The following GLRA1 variants were observed in gnomAD, a reference collection of about 807,000 sequenced individuals.
GLRA1 encodes the protein glycine receptor alpha 1, also known as glycine receptor subunit alpha-1.
A neutral mutation model predicts 48.3 loss-of-function variants in GLRA1; 37 were observed. The ratio of observed to expected loss-of-function variants is 0.77; its 90% CI spans 0.59 to 1.01. The LOEUF (loss-of-function observed/expected upper bound fraction) is 1.01. Among genes scored for constraint, GLRA1 ranks in the 50% least tolerant of loss-of-function variants. The pLI is 0.00. For synonymous variants in GLRA1, 196 were observed against 210.7 expected (o/e 0.93, Z 0.60); for missense variants, 427 against 571.0 (o/e 0.75, Z 2.57).
chr5:151,833,461 A>G (rs541116898), intron 7 of GLRA1, among the ~76,000 whole-genome samples: 1 of 151,564 alleles, frequency 6.6e-6, no homozygotes, highest in South Asian at 2.1e-4. Flanking sequence ...GGATATATAT[A>G]TATATATTTT....
At chr5:151,921,821 A>T (rs1031548843) in intron 1 of GLRA1, among the ~76,000 whole-genome samples, 1 of 152,194 alleles carries the variant, frequency 6.6e-6, no homozygotes, top group Non-Finnish European at 1.5e-5. Flanking sequence ...GAATTTTAGA[A>T]CCATAGGTTT....
intron 8 of GLRA1, among the ~76,000 whole-genome samples, chr5:151,828,573 C>A (rs939278099): frequency 2.1e-4 from 32 of 152,168 alleles, no homozygotes; most frequent in Admixed American, 1.7e-3. Context: ...TAAAACAATG[C>A]AGTCTTGCAG....
intron 7 of GLRA1, among the ~76,000 whole-genome samples, chr5:151,834,494 A>G (rs1763515492): frequency 6.6e-6 from 1 of 152,250 alleles, no homozygotes; most frequent in African/African-American, 2.4e-5. Flanking sequence ...AGGAAAATTT[A>G]TAGCACTAAA....
At chr5:151,855,248 A>T (rs939763275) in intron 5 of GLRA1, 71 bp from the exon 6 acceptor site, 2 of 1,478,536 alleles carry the variant, frequency 1.4e-6, no homozygotes, top group Non-Finnish European at 1.9e-6. Flanking sequence ...AGGATTGGTT[A>T]GGGTTAGAGA....
chr5:151,855,257 G>A (rs898139136), intron 5 of GLRA1, 80 bp from the exon 6 acceptor site: 3 of 1,343,154 alleles, frequency 2.2e-6, no homozygotes, highest in Non-Finnish European at 3.2e-6. Flanking sequence ...TAGGGTTAGA[G>A]ACTGAGAGAG....
chr5:151,822,986 C>T (rs756783113), intron 8 of GLRA1, 23 bp from the exon 9 acceptor site: 1 of 1,574,700 alleles, frequency 6.4e-7, no homozygotes, highest in East Asian at 2.2e-5. Context: ...CAACATGGGG[C>T]TCTACTTAAA....
rs1561554929 is a variant in GLRA1, at chr5:151,849,367, C to CTTCCTTTCGT, written c.912+2013_912+2022dup. ...CCTTCCATCCTTCCTTCCTTCCTTTCTTCCTTTCGTTTCCTTTCCTTTCCT... is the reference window on the plus strand; with the variant it reads ...CCTTCCATCCTTCCTTCCTTCCTTTCTTCCTTTCGTTTCCTTTCGTTTCCTTTCCTTTCCT... On this transcript the variant is annotated intron_variant, in intron 7 of 8. Transcript: ENST00000274576. Among the ~76,000 whole-genome samples, 46 of 35,562 alleles carry CTTCCTTTCGT rather than the reference C, an allele frequency of 1.3e-3. 8 individuals are homozygous for CTTCCTTTCGT. The highest frequency in any genetic ancestry group is 5.5e-3 in the African/African-American group (42 of 7,578). The allele number at this position is 35,562 out of a possible 152,430, so 23.3% of individuals were successfully genotyped here. A position where few individuals can be genotyped will look rare whatever the true frequency, so the allele number is the denominator to read the frequency against.
rs281864916 is a variant in GLRA1, at chr5:151,851,565, C to A, written c.737G>T (p.Arg246Leu). Residue 246 changes from arginine (R) to leucine (L), a missense_variant, in exon 7 of 9, where the codon CGG (arginine) becomes CTG (leucine). Transcript: ENST00000274576. ...TCIEARFHLE[R>L]QMGYYLIQMY... The stretch of plus-strand genomic sequence containing the variant: ...CTGAATCAGGTAGTAACCCATCTGC[C>A]GCTCCAGGTGGAACCGGGCCTCAAT... The A allele has an allele frequency of 6.2e-7, 1 of 1,613,692 alleles. No homozygotes were observed. The highest frequency in any genetic ancestry group is 8.5e-7 in the Non-Finnish European group (1 of 1,179,782).
At chr5:151,919,273 CA>C (rs1754815535) in intron 1 of GLRA1, among the ~76,000 whole-genome samples, 1 of 151,290 alleles carries the variant, frequency 6.6e-6, no homozygotes, top group Admixed American at 6.6e-5. Flanking sequence ...TTTGAAAAAA[CA>C]AAAAACAAAA....
intron 8 of GLRA1, among the ~76,000 whole-genome samples, chr5:151,823,978 T>G (rs567161949): frequency 1.1e-4 from 17 of 151,834 alleles, no homozygotes; most frequent in Admixed American, 9.2e-4. Context: ...AGCTGTTGAT[T>G]CAATGTTGGC....
intron 1 of GLRA1, among the ~76,000 whole-genome samples, chr5:151,910,376 T>C (rs1035837801): frequency 2.0e-5 from 3 of 152,190 alleles, no homozygotes; most frequent in Non-Finnish European, 1.5e-5. Flanking sequence ...ATGCAGGAAA[T>C]AAAAGTTCCC....
chr5:151,857,112 C>T (rs532068764), intron 4 of GLRA1, among the ~76,000 whole-genome samples: 5 of 152,296 alleles, frequency 3.3e-5, no homozygotes, highest in South Asian at 2.1e-4. Context: ...CCTGAAGCAG[C>T]GACAAACCTC....
chr5:151,840,124 T>C (rs1178966244), intron 7 of GLRA1, among the ~76,000 whole-genome samples: 1 of 151,852 alleles, frequency 6.6e-6, no homozygotes, highest in Non-Finnish European at 1.5e-5. Context: ...GATAGTGTCT[T>C]GCTTTGTCAC....
chr5:151,833,879 A>G, intron 7 of GLRA1, among the ~76,000 whole-genome samples: 1 of 141,042 alleles, frequency 7.1e-6, no homozygotes, highest in East Asian at 1.9e-4. Flanking sequence ...CAAAAAAGAC[A>G]AAGAAGGGCA....
At chr5:151,881,451 G>A in intron 3 of GLRA1, among the ~76,000 whole-genome samples, 1 of 150,100 alleles carries the variant, frequency 6.7e-6, no homozygotes, top group Non-Finnish European at 1.5e-5. Flanking sequence ...CCCTGCTCCA[G>A]GAGTAGCTGG....
chr5:151,907,830 G>T (rs1203532355), intron 1 of GLRA1, among the ~76,000 whole-genome samples: 2 of 152,220 alleles, frequency 1.3e-5, no homozygotes, highest in Admixed American at 6.5e-5. Flanking sequence ...ACCTTGGAAG[G>T]TCTCTTTCTT....
rs1284734503 is a variant in GLRA1 at position 151,822,728 on chromosome 5, A to G, written c.1295T>C (p.Met432Thr). 5.0e-6 allele frequency: 8 copies of G among 1,613,770 alleles called. No homozygotes were observed. In the African/African-American group the frequency reaches 9.3e-5, roughly 19 times the overall value. Residue 432 changes from methionine (M) to threonine (T), a missense_variant, in exon 9 of 9, where the codon ATG (methionine) becomes ACG (threonine). Physicochemically the swap from Met to Thr is moderately conservative, Grantham distance 81. Transcript: ENST00000274576. ...GFPMAFLIFN[M>T]FYWIIYKIVR... is the part of the protein sequence containing the mutation. ...AATCTTGTAGATGATCCAGTAGAAC[A>G]TGTTGAAAATGAGGAAGGCCATGGG...
intron 7 of GLRA1, among the ~76,000 whole-genome samples, chr5:151,836,898 TA>T (rs1763591342): frequency 6.6e-6 from 1 of 152,110 alleles, no homozygotes; most frequent in Non-Finnish European, 1.5e-5. Flanking sequence ...CCTTCATGAC[TA>T]AAACACCAAA....
intron 6 of GLRA1, 50 bp downstream of exon 6, chr5:151,854,990 C>G: frequency 6.3e-7 from 1 of 1,588,554 alleles, no homozygotes; most frequent in Non-Finnish European, 8.6e-7. Flanking sequence ...GAAATGACCT[C>G]TGGTCCTGGT....
Sources: allele counts gnomAD v4.1 joint callset (sites outside exome capture counted in the v4.1 genomes callset), GRCh38; gene constraint gnomAD v4.1.1; transcripts MANE v1.5; gene names NCBI Gene and HGNC (gene_info 2026-07-23, HGNC 2026-07-21).